VDR: variants seen among roughly 807,000 people sequenced by gnomAD.
VDR encodes vitamin D3 receptor.
In VDR, 19 loss-of-function variants were observed where a neutral mutation model predicts 39.7. That is an observed-to-expected ratio of 0.48 (90% CI 0.33 to 0.70). The LOEUF (loss-of-function observed/expected upper bound fraction) is 0.70, where lower values mean the gene tolerates loss of function less well. VDR is among the 30% of genes least tolerant of loss of function. VDR has a pLI of 0.02. For missense variants in VDR, 442 were observed against 570.5 expected, an observed-to-expected ratio of 0.77 and a Z score of 2.29; for synonymous variants, 242 against 215.8, an observed-to-expected ratio of 1.12 and a Z score of -1.07.
At chr12:47,894,502 G>A (rs746754326) in intron 1 of VDR, among the ~76,000 whole-genome samples, 3 of 152,198 alleles carry the variant, frequency 2.0e-5, no homozygotes, top group Non-Finnish European at 4.4e-5. Context: ...GCATCCTAGG[G>A]AGGATGTCAG....
At chr12:47,881,495 A>G (rs1039491233) in intron 2 of VDR, among the ~76,000 whole-genome samples, 8 of 152,348 alleles carry the variant, frequency 5.3e-5, no homozygotes, top group Middle Eastern at 3.4e-3. Flanking sequence ...AGAAAAGTTC[A>G]GAAAAAAAGA....
intron 1 of VDR, among the ~76,000 whole-genome samples, chr12:47,903,903 T>C (rs1463224981): frequency 1.3e-5 from 2 of 152,126 alleles, no homozygotes; most frequent in Non-Finnish European, 2.9e-5. Flanking sequence ...CTGTGTTGGG[T>C]ATCTGAGCCC....
chr12:47,852,207 A>G (rs185345373), intron 7 of VDR, among the ~76,000 whole-genome samples: 2 of 152,332 alleles, frequency 1.3e-5, no homozygotes, highest in East Asian at 3.9e-4. Context: ...GAATCACTGT[A>G]TCTGGAAAGG....
intron 3 of VDR, among the ~76,000 whole-genome samples, chr12:47,869,966 G>A (rs1254021997): frequency 3.3e-5 from 5 of 152,214 alleles, no homozygotes; most frequent in Non-Finnish European, 7.3e-5. Context: ...TTCTGCTTAA[G>A]AGTTGTCATA....
At chr12:47,865,026 G>C (rs372484733) in intron 4 of VDR, 21 bp downstream of exon 4, 2 of 1,612,316 alleles carry the variant, frequency 1.2e-6, no homozygotes, top group Non-Finnish European at 8.5e-7. Flanking sequence ...CCCAAACCCT[G>C]CCCAGCCCCT....
Position 47,843,309 on chromosome 12 carries a change from C to G in VDR, c.*1437G>C, listed in dbSNP as rs752109177. The G allele has an allele frequency of 6.6e-6, 1 of 152,246 alleles. No individual in the cohort carries two copies. Among genetic ancestry groups the G allele is most frequent in the Non-Finnish European group, 1.5e-5 (1 of 68,030 alleles). 9.4% of individuals were successfully genotyped at this position (152,246 alleles called of 1,614,324 possible). Reference sequence around the variant, plus strand: ...CAGCTTCCAGGAGTTGGGGCAGTCACGTTCCCACTGACTTTAACATTCCTG... The same window carrying G: ...CAGCTTCCAGGAGTTGGGGCAGTCAGGTTCCCACTGACTTTAACATTCCTG... On this transcript the variant is annotated 3_prime_UTR_variant, in exon 10 of 10. Coordinates refer to ENST00000549336, the MANE Select transcript of VDR (RefSeq NM_000376.3).
At chr12:47,848,555 C>CTTTTTTTTTTTTTTT (rs1162881183) in intron 7 of VDR, among the ~76,000 whole-genome samples, 3 of 58,116 alleles carry the variant, frequency 5.2e-5, no homozygotes, top group African/African-American at 7.8e-5. Context: ...TTTTCTACTC[C>CTTTTTTTTTTTTTTT]TTTTTTTTTT....
intron 1 of VDR, among the ~76,000 whole-genome samples, chr12:47,892,375 T>A (rs1419246399): frequency 2.6e-5 from 4 of 152,204 alleles, no homozygotes; most frequent in Non-Finnish European, 5.9e-5. Flanking sequence ...GCAGCAGCAG[T>A]CACCCCAAGG....
At chr12:47,900,508 T>G (rs1946539259) in intron 1 of VDR, among the ~76,000 whole-genome samples, 1 of 152,176 alleles carries the variant, frequency 6.6e-6, no homozygotes, top group Non-Finnish European at 1.5e-5. Context: ...GCATGTTGAT[T>G]AACCTCACAG....
chr12:47,888,881 A>G (rs1291446184), intron 1 of VDR, among the ~76,000 whole-genome samples: 1 of 152,148 alleles, frequency 6.6e-6, no homozygotes, highest in African/African-American at 2.4e-5. Flanking sequence ...TTTACCTTCT[A>G]TTCCCCAAAA....
chr12:47,870,514 C>T (rs1445469109), intron 3 of VDR, among the ~76,000 whole-genome samples: 1 of 152,188 alleles, frequency 6.6e-6, no homozygotes, highest in Non-Finnish European at 1.5e-5. Flanking sequence ...AATATAGATG[C>T]AGTTTCTAGA....
At chr12:47,895,050 G>A (rs1207409180) in intron 1 of VDR, among the ~76,000 whole-genome samples, 1 of 152,216 alleles carries the variant, frequency 6.6e-6, no homozygotes, top group African/African-American at 2.4e-5. Context: ...AGACTGTTGT[G>A]TCAGCTGAGA....
intron 1 of VDR, among the ~76,000 whole-genome samples, chr12:47,897,764 G>A (rs1198901954): frequency 1.3e-5 from 2 of 152,096 alleles, no homozygotes; most frequent in Non-Finnish European, 2.9e-5. Flanking sequence ...TGCTTCTCAG[G>A]TTAAACAAGT....
rs1057521095 is a variant in VDR at position 47,845,003 on chromosome 12, G to A, written c.1027C>T (p.Arg343Cys). The A allele has an allele frequency of 3.1e-6, 5 of 1,612,020 alleles. No homozygotes were observed. The highest frequency in any genetic ancestry group is 1.1e-5 in the South Asian group (1 of 91,072). The change falls in exon 10 of 10, where the codon CGT becomes TGT. Residue 343 changes from arginine (R) to cysteine (C), a missense_variant and splice_region_variant. Arg to Cys is a radical substitution (Grantham distance 180). Transcript: ENST00000549336. ...LMAICIVSPD[R>C]PGVQDAALIE... is the part of the protein sequence containing the mutation. ...AGCGCGGCGTCCTGCACCCCAGGACGATCTGTGGGCACGGGGATAGAGAAG... is the reference window on the plus strand; with the variant it reads ...AGCGCGGCGTCCTGCACCCCAGGACAATCTGTGGGCACGGGGATAGAGAAG...
At chr12:47,903,768 C>G (rs1946612842) in intron 1 of VDR, among the ~76,000 whole-genome samples, 1 of 152,148 alleles carries the variant, frequency 6.6e-6, no homozygotes. Flanking sequence ...GCTGGAAAAG[C>G]CTGCAGTGCT....
At chr12:47,883,018 A>G (rs1268507064) in intron 1 of VDR, 1 of 466,132 alleles carries the variant, frequency 2.1e-6, no homozygotes, top group Non-Finnish European at 3.8e-6. Flanking sequence ...AGCAGTGGGA[A>G]GCGGTGGCGG....
At chr12:47,871,298 C>CTTTCTTTCTTTCTTTCTTTCT (rs1565622657) in intron 3 of VDR, among the ~76,000 whole-genome samples, 72 of 109,814 alleles carry the variant, frequency 6.6e-4, no homozygotes, top group African/African-American at 2.4e-3. Context: ...CTTTCTCTTT[C>CTTTCTTTCTTTCTTTCTTTCT]TTTCTTTCTT....
At chr12:47,881,377 T>C (rs929567973) in intron 2 of VDR, among the ~76,000 whole-genome samples, 1 of 152,114 alleles carries the variant, frequency 6.6e-6, no homozygotes, top group African/African-American at 2.4e-5. Flanking sequence ...AAACAACCTA[T>C]TGAGTACTAT....
intron 2 of VDR, among the ~76,000 whole-genome samples, chr12:47,882,157 C>T (rs962602740): frequency 1.3e-5 from 2 of 152,162 alleles, no homozygotes; most frequent in African/African-American, 4.8e-5. Flanking sequence ...GCTGCCTTGA[C>T]ATCAGGAAGT....
Sources: allele counts gnomAD v4.1 joint callset (sites outside exome capture counted in the v4.1 genomes callset), GRCh38; gene constraint gnomAD v4.1.1; transcripts MANE v1.5; gene names NCBI Gene and HGNC (gene_info 2026-07-23, HGNC 2026-07-21).